Variants in EPC1 observed in about 807,000 individuals in gnomAD.
The protein encoded by EPC1 is enhancer of polycomb homolog 1.
A neutral mutation model predicts 98.4 loss-of-function variants in EPC1; 12 were observed. That is an observed-to-expected ratio of 0.12 (90% CI 0.08 to 0.20). EPC1 has a LOEUF of 0.20. EPC1 is among the 10% of genes least tolerant of loss of function. The pLI is 1.00. For missense variants in EPC1, 729 were observed against 990.5 expected (o/e 0.74, Z 3.54); for synonymous variants, 357 against 363.9 (o/e 0.98, Z 0.21).
intron 1 of EPC1, among the ~76,000 whole-genome samples, chr10:32,332,054 CTATT>C (rs1837671178): frequency 6.6e-6 from 1 of 152,306 alleles, no homozygotes; most frequent in Non-Finnish European, 1.5e-5. Context: ...TTTTCCAGAA[CTATT>C]TAAACACTAA....
intron 1 of EPC1, among the ~76,000 whole-genome samples, chr10:32,363,612 AAATT>A (rs1839506091): frequency 6.6e-6 from 1 of 152,240 alleles, no homozygotes; most frequent in South Asian, 2.1e-4. Flanking sequence ...CTTCTTAAAT[AAATT>A]CTCAAACTCT....
chr10:32,284,282 C>T (rs1178457686), intron 10 of EPC1: 3 of 155,718 alleles, frequency 1.9e-5, no homozygotes, highest in Admixed American at 1.9e-4. Flanking sequence ...ATTGTGTCAA[C>T]ATATAAGGTT....
At chr10:32,374,200 T>A (rs1038643795) in intron 1 of EPC1, 8 of 152,172 alleles carry the variant, frequency 5.3e-5, no homozygotes, top group African/African-American at 1.2e-4. Context: ...AAATTTCTGT[T>A]ATATATACCA....
intron 1 of EPC1, among the ~76,000 whole-genome samples, chr10:32,319,597 G>A (rs1836761001): frequency 6.6e-6 from 1 of 151,610 alleles, no homozygotes; most frequent in South Asian, 2.1e-4. Context: ...CCTAAAATGG[G>A]GTCACTCTAT....
intron 2 of EPC1, among the ~76,000 whole-genome samples, chr10:32,302,055 C>CCT (rs1835580002): frequency 1.3e-5 from 2 of 151,758 alleles, no homozygotes; most frequent in East Asian, 2.0e-4. Context: ...GGGCGGATCA[C>CCT]GAGGTCAGGA....
intron 1 of EPC1, among the ~76,000 whole-genome samples, chr10:32,361,602 CT>C (rs1839445673): frequency 6.6e-6 from 1 of 152,248 alleles, no homozygotes; most frequent in East Asian, 1.9e-4. Context: ...CAATTATAAC[CT>C]TTTACCCACC....
intron 1 of EPC1, among the ~76,000 whole-genome samples, chr10:32,307,724 C>T (rs1835957017): frequency 6.6e-6 from 1 of 152,196 alleles, no homozygotes; most frequent in African/African-American, 2.4e-5. Flanking sequence ...CCCACTGACA[C>T]AGGGCATTTT....
intron 1 of EPC1, among the ~76,000 whole-genome samples, chr10:32,326,477 C>A (rs1315113503): frequency 6.6e-6 from 1 of 152,080 alleles, no homozygotes; most frequent in Non-Finnish European, 1.5e-5. Context: ...AAAAACTTTG[C>A]GTATTTTATG....
At chr10:32,347,557 G>T (rs1427741164), upstream of EPC1, 1 of 152,026 alleles carries the variant, frequency 6.6e-6, no homozygotes, top group East Asian at 1.9e-4. Context: ...CGGGCCCCGG[G>T]CACCTGGGGC....
intron 1 of EPC1, among the ~76,000 whole-genome samples, chr10:32,322,327 T>TA (rs1836977287): frequency 1.3e-5 from 2 of 152,094 alleles, no homozygotes; most frequent in African/African-American, 2.4e-5. Flanking sequence ...GGAAACAAAA[T>TA]AATATAATCT....
Position 32,345,180 on chromosome 10 carries a change from C to T in EPC1, c.153+1583G>A, listed in dbSNP as rs1027266202. The T allele has an allele frequency of 3.0e-6, 3 of 983,980 alleles. No homozygotes were observed. The African/African-American group carries it at 5.2e-5, about 17-fold the overall frequency. 61.0% of individuals were successfully genotyped at this position (983,980 alleles called of 1,614,324 possible). ...AAAAAATAAACAAATGGCCATGCTA[C>T]TCTAAAGTTGATACAAGTAAAATAA... is the stretch of plus-strand genomic sequence containing the variant. On this transcript the variant is annotated intron_variant, in intron 1 of 13. Transcript: ENST00000319778.
At chr10:32,313,843 G>A (rs1161743459) in intron 1 of EPC1, among the ~76,000 whole-genome samples, 1 of 151,818 alleles carries the variant, frequency 6.6e-6, no homozygotes, top group Non-Finnish European at 1.5e-5. Flanking sequence ...CTGAGATCGC[G>A]CCACTGCACT....
At chr10:32,271,977 A>G in intron 12 of EPC1, 49 bp downstream of exon 12, 2 of 1,597,822 alleles carry the variant, frequency 1.3e-6, no homozygotes, top group Non-Finnish European at 1.7e-6. Flanking sequence ...TATATTATAG[A>G]TATATGTTAT....
At chr10:32,336,094 G>GT (rs1361479297) in intron 1 of EPC1, among the ~76,000 whole-genome samples, 1 of 146,584 alleles carries the variant, frequency 6.8e-6, no homozygotes, top group East Asian at 2.0e-4. Context: ...TTGAGACGGA[G>GT]TTTTGCTCTT....
intron 1 of EPC1, chr10:32,345,392 T>C: frequency 1.0e-6 from 1 of 985,448 alleles, no homozygotes; most frequent in Non-Finnish European, 1.2e-6. Context: ...TAAACAGTTT[T>C]ATTTCCAAAA....
intron 6 of EPC1, 21 bp downstream of exon 6, chr10:32,291,142 T>C: frequency 1.2e-6 from 2 of 1,600,544 alleles, no homozygotes; most frequent in South Asian, 1.1e-5. Flanking sequence ...TAGATACTAT[T>C]ATCACAAAAA....
chr10:32,289,540 T>C (rs185163853), intron 6 of EPC1, among the ~76,000 whole-genome samples: 1 of 152,120 alleles, frequency 6.6e-6, no homozygotes, highest in East Asian at 1.9e-4. Flanking sequence ...GAGCATGATA[T>C]TAAATGATGC....
At chr10:32,270,624 A>C (rs1181693828) in intron 13 of EPC1, among the ~76,000 whole-genome samples, 4 of 152,104 alleles carry the variant, frequency 2.6e-5, no homozygotes, top group Admixed American at 6.5e-5. Context: ...CAGGGGTTCA[A>C]GACTAGCATG....
chr10:32,352,837 G>A (rs887095745), intron 1 of EPC1, among the ~76,000 whole-genome samples: 1 of 152,168 alleles, frequency 6.6e-6, no homozygotes, highest in Non-Finnish European at 1.5e-5. Flanking sequence ...CCAGGAAGCT[G>A]ATAAGAGGCA....
Sources: allele counts gnomAD v4.1 joint callset (sites outside exome capture counted in the v4.1 genomes callset), GRCh38; gene constraint gnomAD v4.1.1; transcripts MANE v1.5; gene names NCBI Gene and HGNC (gene_info 2026-07-23, HGNC 2026-07-21).